Variants in DOCK2 observed in about 807,000 individuals in gnomAD.
DOCK2 encodes dedicator of cytokinesis 2.
In DOCK2, 87 loss-of-function variants were observed where a neutral mutation model predicts 248.9. That is an observed-to-expected ratio of 0.35 (90% CI 0.29 to 0.42). DOCK2 has a LOEUF of 0.42. Ranked by LOEUF, DOCK2 falls within the 10% of genes least tolerant of loss-of-function variation. The pLI is 1.00. For synonymous variants in DOCK2, 805 were observed against 821.6 expected (o/e 0.98, Z 0.35); for missense variants, 1,747 against 2,300.2 (o/e 0.76, Z 4.92).
intron 33 of DOCK2, among the ~76,000 whole-genome samples, chr5:170,024,753 C>T (rs1166774445): frequency 2.6e-5 from 4 of 152,186 alleles, no homozygotes; most frequent in African/African-American, 7.2e-5. Flanking sequence ...TTCAATGCCA[C>T]AGACTGTGAG....
At chr5:169,841,408 C>A in intron 27 of DOCK2, 1 of 987,248 alleles carries the variant, frequency 1.0e-6, no homozygotes, top group Non-Finnish European at 1.2e-6. Flanking sequence ...CAGAACCCAG[C>A]TCGAACCCTT....
intron 7 of DOCK2, among the ~76,000 whole-genome samples, chr5:169,682,591 G>A (rs574175526): frequency 6.6e-6 from 1 of 152,338 alleles, no homozygotes; most frequent in Non-Finnish European, 1.5e-5. Context: ...AAGGTTAACA[G>A]TCTGACTTTT....
intron 27 of DOCK2, among the ~76,000 whole-genome samples, chr5:169,862,777 G>A (rs1012239830): frequency 1.3e-5 from 2 of 152,184 alleles, no homozygotes; most frequent in Non-Finnish European, 2.9e-5. Context: ...ACAGGGGAAG[G>A]TGAAACCATC....
At chr5:169,893,903 T>C (rs1336294675) in intron 27 of DOCK2, among the ~76,000 whole-genome samples, 1 of 152,208 alleles carries the variant, frequency 6.6e-6, no homozygotes, top group Non-Finnish European at 1.5e-5. Context: ...TGTGGTTTTG[T>C]GGTACTTGGA....
intron 32 of DOCK2, among the ~76,000 whole-genome samples, chr5:170,017,736 T>C (rs992524902): frequency 1.3e-5 from 2 of 152,292 alleles, no homozygotes; most frequent in South Asian, 2.1e-4. Flanking sequence ...TTGATCAACA[T>C]TACACAGCTG....
intron 25 of DOCK2, among the ~76,000 whole-genome samples, chr5:169,786,639 A>G (rs1765997821): frequency 6.6e-6 from 1 of 152,146 alleles, no homozygotes; most frequent in Admixed American, 6.6e-5. Context: ...ATAGAAACAT[A>G]GCCAGCCCAA....
intron 27 of DOCK2, among the ~76,000 whole-genome samples, chr5:169,857,464 A>C (rs1407655641): frequency 1.3e-5 from 2 of 152,204 alleles, no homozygotes; most frequent in African/African-American, 4.8e-5. Flanking sequence ...CAGGTGCACG[A>C]CACCGTACCC....
At chr5:169,900,087 C>A (rs1335707283) in intron 27 of DOCK2, among the ~76,000 whole-genome samples, 1 of 152,182 alleles carries the variant, frequency 6.6e-6, no homozygotes, top group Non-Finnish European at 1.5e-5. Flanking sequence ...TTTCCTTCTA[C>A]TAAGCACCCA....
chr5:169,648,570 G>GCATGGCTGAGAGAGTGTGCTC (rs1440590459), intron 1 of DOCK2, among the ~76,000 whole-genome samples: 1 of 152,184 alleles, frequency 6.6e-6, no homozygotes, highest in Non-Finnish European at 1.5e-5. Flanking sequence ...TGAGTGTGGT[G>GCATGGCTGAGAGAGTGTGCTC]CATGGCTGAG....
chr5:170,075,814 G>T, intron 46 of DOCK2, 133 bp from the exon 47 acceptor site: 4 of 1,204,786 alleles, frequency 3.3e-6, no homozygotes, highest in Non-Finnish European at 2.3e-6. Flanking sequence ...CGTGTGTGCA[G>T]GTTTCTGAGG....
At position 169,726,187 on chromosome 5, in the gene DOCK2, A is replaced by G. The variant is rs1762464582; in HGVS notation, c.2267+7396A>G. The stretch of plus-strand genomic sequence containing the variant: ...GCATCTGTTGTTTCCTGACTTTTTA[A>G]TGATCGCCATTCTAACTGGTGTGAG... On this transcript the variant is annotated intron_variant, in intron 22 of 51. Coordinates refer to ENST00000520908, the MANE Select transcript of DOCK2 (RefSeq NM_004946.3). 4.6e-5 allele frequency among the ~76,000 whole-genome samples: 7 copies of G among 151,854 alleles called. No homozygotes were observed. In the South Asian group the frequency reaches 1.5e-3, roughly 32 times the overall value.
intron 26 of DOCK2, among the ~76,000 whole-genome samples, chr5:169,827,325 G>A (rs1768931968): frequency 6.6e-6 from 1 of 152,158 alleles, no homozygotes; most frequent in Non-Finnish European, 1.5e-5. Flanking sequence ...AGCTTCTCAA[G>A]GATCTCAGTT....
At chr5:169,702,191 A>T in intron 13 of DOCK2, 112 bp from the exon 14 acceptor site, 3 of 1,336,460 alleles carry the variant, frequency 2.2e-6, no homozygotes, top group Admixed American at 2.2e-5. Flanking sequence ...GATTTTAATT[A>T]ATACCAATCC....
chr5:169,737,438 CT>C (rs1253476715), intron 22 of DOCK2, among the ~76,000 whole-genome samples: 3 of 152,234 alleles, frequency 2.0e-5, no homozygotes, highest in East Asian at 1.9e-4. Context: ...TATACTTGGT[CT>C]TTGATCCTTT....
intron 22 of DOCK2, among the ~76,000 whole-genome samples, chr5:169,746,096 G>C (rs879499602): frequency 6.6e-6 from 1 of 152,150 alleles, no homozygotes; most frequent in Non-Finnish European, 1.5e-5. Flanking sequence ...ACTTCAGGAG[G>C]GCTTTAGAGA....
chr5:169,723,556 T>G (rs1762314345), intron 22 of DOCK2, among the ~76,000 whole-genome samples: 1 of 152,136 alleles, frequency 6.6e-6, no homozygotes, highest in African/African-American at 2.4e-5. Context: ...GACCCCATTT[T>G]CTGACTTTAT....
intron 36 of DOCK2, 85 bp downstream of exon 36, chr5:170,036,640 A>T (rs1044215214): frequency 3.7e-6 from 5 of 1,348,162 alleles, no homozygotes; most frequent in Non-Finnish European, 4.1e-6. Context: ...TGCCTTCAGG[A>T]TAAAATTTAA....
chr5:169,683,770 A>G (rs1388814628), intron 7 of DOCK2, among the ~76,000 whole-genome samples: 1 of 152,014 alleles, frequency 6.6e-6, no homozygotes, highest in Admixed American at 6.6e-5. Flanking sequence ...ACCCATTTTA[A>G]TTGGGTTATT....
chr5:169,760,823 C>T (rs747804794), intron 24 of DOCK2, among the ~76,000 whole-genome samples: 17 of 152,136 alleles, frequency 1.1e-4, no homozygotes, highest in Non-Finnish European at 2.2e-4. Context: ...CTGCGCTTTG[C>T]CTGTCTCATA....
Sources: allele counts gnomAD v4.1 joint callset (sites outside exome capture counted in the v4.1 genomes callset), GRCh38; gene constraint gnomAD v4.1.1; transcripts MANE v1.5; gene names NCBI Gene and HGNC (gene_info 2026-07-23, HGNC 2026-07-21).